Variants in FBXL18 observed in about 807,000 individuals in gnomAD.
FBXL18 encodes F-box/LRR-repeat protein 18.
In FBXL18, 36 loss-of-function variants were observed where a neutral mutation model predicts 46.0. The observed-to-expected ratio is 0.78, with a 90% confidence interval of 0.60 to 1.03. The LOEUF (loss-of-function observed/expected upper bound fraction) is 1.03, where lower values mean the gene tolerates loss of function less well. Ranked by LOEUF, FBXL18 falls within the 50% of genes least tolerant of loss-of-function variation. FBXL18 has a pLI of 0.00. For synonymous variants in FBXL18, 557 were observed against 465.3 expected, an observed-to-expected ratio of 1.20 and a Z score of -2.54; for missense variants, 977 against 1,004.1, an observed-to-expected ratio of 0.97 and a Z score of 0.36.
intron 4 of FBXL18, among the ~76,000 whole-genome samples, chr7:5,456,111 C>T (rs1307319915): frequency 1.3e-5 from 2 of 151,700 alleles, no homozygotes; most frequent in African/African-American, 2.4e-5. Context: ...AACTCCTGCT[C>T]CCACCTAACG....
chr7:5,488,208 C>G (rs4262246), intron 4 of FBXL18, among the ~76,000 whole-genome samples: 73,937 of 152,144 alleles, frequency 0.49, 18,182 homozygotes, highest in Admixed American at 0.56. Flanking sequence ...GGCCAGAGGG[C>G]AAGCTCCCGG....
At chr7:5,504,845 G>A (rs1469659205) in intron 2 of FBXL18, among the ~76,000 whole-genome samples, 1 of 136,994 alleles carries the variant, frequency 7.3e-6, no homozygotes, top group Non-Finnish European at 1.5e-5. Context: ...GAACCCGGGA[G>A]GCAGAGCTTG....
chr7:5,508,887 T>TA (rs891451671), intron 1 of FBXL18, among the ~76,000 whole-genome samples: 1 of 152,002 alleles, frequency 6.6e-6, no homozygotes, highest in African/African-American at 2.4e-5. Context: ...AAAACACTAT[T>TA]AAAAACTCCA....
chr7:5,508,806 A>G (rs1288185930), intron 1 of FBXL18, among the ~76,000 whole-genome samples: 3 of 152,060 alleles, frequency 2.0e-5, no homozygotes, highest in Non-Finnish European at 4.4e-5. Context: ...TACCCCTCCC[A>G]ATTCCCAGTT....
At chr7:5,467,178 C>T (rs1031935831) in intron 4 of FBXL18, among the ~76,000 whole-genome samples, 3 of 152,102 alleles carry the variant, frequency 2.0e-5, no homozygotes, top group Admixed American at 6.6e-5. Flanking sequence ...AGTGAAACCC[C>T]GTCTCTACTA....
In FBXL18 at chr7:5,491,376, G is replaced by A. The variant is rs1452445784; in HGVS notation, c.1855C>T (p.Leu619=). Residue 619 remains leucine, a synonymous_variant, in exon 4 of 5, where the codon CTG becomes TTG. Transcript: ENST00000382368. ...ALSQCPSLQR[L]CLVSRSGTLQ... Reference sequence around the variant, plus strand: ...GTGCCGCTGCGAGAGACCAGGCACAGGCGCTGCAGCGAGGGGCACTGGCTC... The same window carrying A: ...GTGCCGCTGCGAGAGACCAGGCACAAGCGCTGCAGCGAGGGGCACTGGCTC... 6.2e-7 allele frequency: 1 copy of A among 1,609,178 alleles called. No individual in the cohort carries two copies. Among genetic ancestry groups the A allele is most frequent in the Non-Finnish European group, 8.5e-7 (1 of 1,178,646 alleles).
At chr7:5,502,162 G>C in intron 2 of FBXL18, 131 bp from the exon 3 acceptor site, 1 of 608,520 alleles carries the variant, frequency 1.6e-6, no homozygotes, top group Non-Finnish European at 2.9e-6. Context: ...ACCTCTCGCT[G>C]CCTACCTGCC....
intron 4 of FBXL18, among the ~76,000 whole-genome samples, chr7:5,460,811 C>CG (rs1562670601): frequency 2.0e-5 from 3 of 152,164 alleles, no homozygotes; most frequent in Non-Finnish European, 2.9e-5. Context: ...ATCCCAAGCC[C>CG]GGCCTCGCTA....
chr7:5,465,149 G>T (rs188889481), intron 4 of FBXL18, among the ~76,000 whole-genome samples: 2 of 152,212 alleles, frequency 1.3e-5, no homozygotes, highest in Admixed American at 1.3e-4. Context: ...TTCTCTCTGG[G>T]ATCAATAGAC....
chr7:5,495,454 A>G (rs1784052492), intron 3 of FBXL18, among the ~76,000 whole-genome samples: 1 of 152,174 alleles, frequency 6.6e-6, no homozygotes, highest in African/African-American at 2.4e-5. Flanking sequence ...GGTCTAGGGA[A>G]AGAAGGTGTC....
rs937005562 is a variant in FBXL18, at chr7:5,496,241, G to C, written c.1781+4247C>G. 3.3e-5 allele frequency among the ~76,000 whole-genome samples: 5 copies of C among 152,176 alleles called. No individual in the cohort carries two copies. The highest frequency in any genetic ancestry group is 5.9e-5 in the Non-Finnish European group (4 of 68,022). The stretch of plus-strand genomic sequence containing the variant: ...TTGTTGAGAATATCAAAGGGGTCAA[G>C]ACCTGTACACCCATGAAAAGCACCT... On this transcript the variant is annotated intron_variant, in intron 3 of 4. Coordinates refer to ENST00000382368, the MANE Select transcript of FBXL18 (RefSeq NM_024963.6). This position sits in a 1 kb window ranked among gnomAD's most constrained non-coding sequence, Gnocchi z 4.8.
intron 1 of FBXL18, among the ~76,000 whole-genome samples, chr7:5,512,768 T>C (rs1784573049): frequency 6.6e-6 from 1 of 152,094 alleles, no homozygotes. Context: ...ACACCGTTCC[T>C]TGTCAATCAA....
At chr7:5,498,368 G>T (rs1480578157) in intron 3 of FBXL18, among the ~76,000 whole-genome samples, 2 of 152,192 alleles carry the variant, frequency 1.3e-5, no homozygotes, top group Non-Finnish European at 2.9e-5. Flanking sequence ...TTACAGGCGT[G>T]AGCCACGGCG....
intron 1 of FBXL18, among the ~76,000 whole-genome samples, chr7:5,509,518 C>T (rs1306880161): frequency 6.6e-6 from 1 of 151,894 alleles, no homozygotes; most frequent in East Asian, 1.9e-4. Context: ...TATGGTGAAA[C>T]CCCATGTCTA....
At chr7:5,464,338 G>C (rs941220742) in intron 4 of FBXL18, among the ~76,000 whole-genome samples, 1 of 152,008 alleles carries the variant, frequency 6.6e-6, no homozygotes, top group African/African-American at 2.4e-5. Flanking sequence ...AATTAGCCAG[G>C]CATGGTGGCG....
chr7:5,491,181 G>C (rs890373935), intron 4 of FBXL18, 50 bp downstream of exon 4: 5 of 1,511,542 alleles, frequency 3.3e-6, no homozygotes, highest in Non-Finnish European at 4.5e-6. Context: ...GTCACGGGAT[G>C]CTGGTGATTT....
chr7:5,489,361 G>A lies in FBXL18; in HGVS notation c.2000+1870C>T, dbSNP rs925553608. The A allele has an allele frequency of 8.3e-5, 43 of 516,448 alleles. 1 individual carries two copies. The highest frequency in any genetic ancestry group is 2.5e-4 in the Admixed American group (13 of 51,330). The allele number at this position is 516,448 out of a possible 1,614,324, so 32.0% of individuals were successfully genotyped here. ...AAAAATAGGTTGATGTTGGCCAGGC[G>A]TTGTGGCTCACGCCTGTAATCCCAG... On this transcript the variant is annotated intron_variant, in intron 4 of 4. Transcript: ENST00000382368.
chr7:5,488,455 C>G (rs889392626), intron 4 of FBXL18, among the ~76,000 whole-genome samples: 1 of 151,698 alleles, frequency 6.6e-6, no homozygotes, highest in Non-Finnish European at 1.5e-5. Context: ...GGATCGTGGA[C>G]GTTCTCCGCT....
chr7:5,458,235 G>A (rs751050513), intron 4 of FBXL18, among the ~76,000 whole-genome samples: 124 of 152,114 alleles, frequency 8.2e-4, no homozygotes, highest in Non-Finnish European at 1.5e-3. Flanking sequence ...CACACTGTCC[G>A]TCAATAAAAC....
Sources: allele counts gnomAD v4.1 joint callset (sites outside exome capture counted in the v4.1 genomes callset), GRCh38; gene constraint gnomAD v4.1.1; non-coding constraint Gnocchi (gnomAD v3.1); transcripts MANE v1.5; gene names NCBI Gene and HGNC (gene_info 2026-07-23, HGNC 2026-07-21).